B3GALT1: variants seen among roughly 807,000 people sequenced by gnomAD.
B3GALT1 encodes the protein beta-1,3-galactosyltransferase 1.
In B3GALT1, 10 loss-of-function variants were observed where a neutral mutation model predicts 23.2. That is an observed-to-expected ratio of 0.43 (90% CI 0.27 to 0.73). B3GALT1 has a LOEUF of 0.73. Ranked by LOEUF, B3GALT1 falls within the 30% of genes least tolerant of loss-of-function variation. The pLI is 0.21. For missense variants in B3GALT1, 299 were observed against 405.4 expected (o/e 0.74, Z 2.25); for synonymous variants, 156 against 141.5 (o/e 1.10, Z -0.73).
At chr2:167,480,661 T>G (rs1699553070) in intron 1 of B3GALT1, among the ~76,000 whole-genome samples, 1 of 152,224 alleles carries the variant, frequency 6.6e-6, no homozygotes, top group Non-Finnish European at 1.5e-5. Context: ...TTAGGCCTTC[T>G]CTTTACCCAG....
At chr2:167,479,343 ATATG>A (rs554043416) in intron 1 of B3GALT1, among the ~76,000 whole-genome samples, 102 of 152,322 alleles carry the variant, frequency 6.7e-4, no homozygotes, top group African/African-American at 2.4e-3. Flanking sequence ...TAATTCAAAA[ATATG>A]CATGTATATT....
Position 167,382,145 on chromosome 2 carries a change from T to C in B3GALT1, c.-511+88811T>C, listed in dbSNP as rs568090317. Among the ~76,000 whole-genome samples the C allele has an allele frequency of 2.0e-5, 3 of 152,340 alleles. No individual in the cohort carries two copies. The South Asian group carries it at 6.2e-4, about 32-fold the overall frequency. ...TTTGTTTACAGACTTATCAAGTCAC[T>C]TCTTAATCTCATTTATATAATGTCC... On this transcript the variant is annotated intron_variant, in intron 1 of 4. Transcript: ENST00000392690.
At chr2:167,566,238 A>G (rs1574142789) in intron 2 of B3GALT1, among the ~76,000 whole-genome samples, 1 of 152,088 alleles carries the variant, frequency 6.6e-6, no homozygotes, top group East Asian at 1.9e-4. Flanking sequence ...ATTCTCAATA[A>G]ACTATCGCAA....
chr2:167,668,210 G>A (rs932299525), intron 3 of B3GALT1, among the ~76,000 whole-genome samples: 14 of 151,860 alleles, frequency 9.2e-5, no homozygotes, highest in East Asian at 3.9e-4. Flanking sequence ...ATACCCGACC[G>A]CGTGAGGTGT....
chr2:167,500,635 G>GAAAA (rs11421714), intron 2 of B3GALT1, among the ~76,000 whole-genome samples: 1 of 149,774 alleles, frequency 6.7e-6, no homozygotes, highest in African/African-American at 2.4e-5. Context: ...GACTTATAAG[G>GAAAA]AAAAAAAAAA....
intron 2 of B3GALT1, among the ~76,000 whole-genome samples, chr2:167,617,115 C>A (rs1685174085): frequency 6.6e-6 from 1 of 152,030 alleles, no homozygotes; most frequent in Non-Finnish European, 1.5e-5. Flanking sequence ...TTTTGTTTTC[C>A]TATGTCCCAC....
rs1687118600 is a variant in B3GALT1 at position 167,714,835 on chromosome 2, T to C, written c.-352+67869T>C. The C allele has an allele frequency of 3.1e-6, 5 of 1,610,114 alleles. No homozygotes were observed. The South Asian group carries it at 4.4e-5, about 14-fold the overall frequency. ...CTTCCACTTTAGAAAGCTTCTCTTA[T>C]TCCTCTATCTGGTAATTTTCTTCTA... is the stretch of plus-strand genomic sequence containing the variant. On this transcript the variant is annotated intron_variant, in intron 3 of 4. Coordinates refer to ENST00000392690, the MANE Select transcript of B3GALT1 (RefSeq NM_020981.4).
intron 1 of B3GALT1, among the ~76,000 whole-genome samples, chr2:167,443,102 G>C (rs1250097349): frequency 6.6e-6 from 1 of 151,982 alleles, no homozygotes; most frequent in Non-Finnish European, 1.5e-5. Flanking sequence ...TGGCTAGCCA[G>C]TTTTCCCAGC....
intron 3 of B3GALT1, among the ~76,000 whole-genome samples, chr2:167,783,365 G>A (rs1051330973): frequency 6.6e-6 from 1 of 152,102 alleles, no homozygotes. Flanking sequence ...GGTAAAAGCT[G>A]AGAGTCCATG....
At chr2:167,404,080 T>G (rs1449874517) in intron 1 of B3GALT1, among the ~76,000 whole-genome samples, 1 of 152,088 alleles carries the variant, frequency 6.6e-6, no homozygotes, top group Non-Finnish European at 1.5e-5. Context: ...CACCAGCATC[T>G]GCTTGGTTTT....
chr2:167,441,909 A>G (rs962174456), intron 1 of B3GALT1, among the ~76,000 whole-genome samples: 1 of 150,926 alleles, frequency 6.6e-6, no homozygotes, highest in African/African-American at 2.4e-5. Context: ...TTTAAGTTTT[A>G]GGGTACATGT....
intron 1 of B3GALT1, among the ~76,000 whole-genome samples, chr2:167,354,347 CTTTTTT>C (rs373088288): frequency 1.7e-5 from 2 of 115,050 alleles, no homozygotes; most frequent in Non-Finnish European, 1.9e-5. Context: ...GGTAAATCTT[CTTTTTT>C]TTTTTTTTTT....
In B3GALT1 at chr2:167,329,614, A is replaced by G. The variant is rs887225282; in HGVS notation, c.-511+36280A>G. 2.0e-5 allele frequency among the ~76,000 whole-genome samples: 3 copies of G among 152,142 alleles called. No homozygotes were observed. The South Asian group carries it at 6.2e-4, about 31-fold the overall frequency. ...GCAGTCTGTCTCTTTCTTTAGATCT[A>G]GTAATATTTGCTTTATAAATCTGGG... On this transcript the variant is annotated intron_variant, in intron 1 of 4. Transcript: ENST00000392690.
chr2:167,522,122 T>A (rs985089879), intron 2 of B3GALT1, among the ~76,000 whole-genome samples: 1 of 151,342 alleles, frequency 6.6e-6, no homozygotes, highest in Admixed American at 6.6e-5. Flanking sequence ...AAATTATAGA[T>A]TGTAATGTGA....
chr2:167,462,803 A>G (rs115453072), intron 1 of B3GALT1, among the ~76,000 whole-genome samples: 2,462 of 152,264 alleles, frequency 0.016, 61 homozygotes, highest in African/African-American at 0.056. Flanking sequence ...AACACATTAT[A>G]TATTTTTTAA....
intron 1 of B3GALT1, among the ~76,000 whole-genome samples, chr2:167,386,937 C>T (rs903105763): frequency 3.9e-5 from 6 of 152,182 alleles, no homozygotes; most frequent in Non-Finnish European, 5.9e-5. Context: ...TCTCTCACCT[C>T]CTCTGCCGCT....
intron 3 of B3GALT1, among the ~76,000 whole-genome samples, chr2:167,650,623 G>A (rs1021657640): frequency 6.6e-6 from 1 of 151,996 alleles, no homozygotes; most frequent in Admixed American, 6.6e-5. Context: ...GTGTTTGGTA[G>A]AATTCATCAG....
intron 2 of B3GALT1, among the ~76,000 whole-genome samples, chr2:167,539,867 AATT>A (rs1446969441): frequency 3.9e-5 from 6 of 152,050 alleles, no homozygotes; most frequent in Non-Finnish European, 2.9e-5. Context: ...GTAAGCTTTT[AATT>A]ATTTTCTGTT....
At chr2:167,312,105 G>A (rs541674520) in intron 1 of B3GALT1, among the ~76,000 whole-genome samples, 2 of 151,970 alleles carry the variant, frequency 1.3e-5, no homozygotes, top group South Asian at 4.1e-4. Context: ...AAGTAATAAA[G>A]CCAGTTTCAA....
Sources: gnomAD v4.1 joint callset for allele counts (sites outside exome capture counted in the v4.1 genomes callset) on GRCh38, gnomAD v4.1.1 for gene constraint, MANE v1.5 for transcripts, NCBI Gene and HGNC (gene_info 2026-07-23, HGNC 2026-07-21) for gene names.